The following BCAS3 variants were observed in gnomAD, a reference collection of about 807,000 sequenced individuals.
BCAS3 encodes the protein BCAS4/BCAS3 fusion.
In BCAS3, 53 loss-of-function variants were observed where a neutral mutation model predicts 116.1. That is an observed-to-expected ratio of 0.46 (90% CI 0.37 to 0.57). The LOEUF is 0.57. Among genes scored for constraint, BCAS3 ranks in the 20% least tolerant of loss-of-function variants. The pLI is 0.00. For missense variants in BCAS3, 917 were observed against 1,165.4 expected (o/e 0.79, Z 3.10); for synonymous variants, 391 against 408.2 (o/e 0.96, Z 0.51).
intron 19 of BCAS3, among the ~76,000 whole-genome samples, chr17:61,042,419 T>C (rs1312103975): frequency 6.6e-6 from 1 of 151,948 alleles, no homozygotes; most frequent in African/African-American, 2.4e-5. Context: ...GTTCCAGTGA[T>C]TGACCTTATT....
intron 7 of BCAS3, among the ~76,000 whole-genome samples, chr17:60,856,547 C>T (rs2053687892): frequency 6.6e-6 from 1 of 151,888 alleles, no homozygotes; most frequent in Admixed American, 6.6e-5. Context: ...AAAAATTAGC[C>T]AGGTGTGGTG....
intron 13 of BCAS3, among the ~76,000 whole-genome samples, chr17:60,941,456 T>C (rs1296438577): frequency 6.6e-6 from 1 of 152,198 alleles, no homozygotes; most frequent in Non-Finnish European, 1.5e-5. Flanking sequence ...CCTGGCAGAA[T>C]GTGTGCAAAA....
intron 5 of BCAS3, among the ~76,000 whole-genome samples, chr17:60,710,415 C>T (rs1018447776): frequency 4.6e-5 from 7 of 151,372 alleles, no homozygotes; most frequent in Non-Finnish European, 8.8e-5. Context: ...GCACATTCAC[C>T]TTTCAATTCT....
intron 9 of BCAS3, among the ~76,000 whole-genome samples, chr17:60,875,817 A>C (rs1823223520): frequency 6.6e-6 from 1 of 151,990 alleles, no homozygotes; most frequent in South Asian, 2.1e-4. Flanking sequence ...ATAAACAATA[A>C]CTTTTTATTT....
chr17:61,236,311 C>T (rs756704193), intron 22 of BCAS3, among the ~76,000 whole-genome samples: 1 of 152,064 alleles, frequency 6.6e-6, no homozygotes, highest in Non-Finnish European at 1.5e-5. Context: ...TTTATTTATT[C>T]GTTACTTTAA....
Position 61,077,384 on chromosome 17 carries a change from G to A in BCAS3, c.2131-949G>A, listed in dbSNP as rs1419625744. Among the ~76,000 whole-genome samples, 2 of 152,134 alleles carry A rather than the reference G, an allele frequency of 1.3e-5. No homozygotes were observed. The highest frequency in any genetic ancestry group is 4.8e-5 in the African/African-American group (2 of 41,442). Reference sequence around the variant, plus strand: ...TACAAAAAATTAGCCGGGCGTGGTGGCGGGCGCCTGTAGTCCCAGCTACTG... The same window carrying A: ...TACAAAAAATTAGCCGGGCGTGGTGACGGGCGCCTGTAGTCCCAGCTACTG... On this transcript the variant is annotated intron_variant, in intron 20 of 23. Coordinates refer to ENST00000407086, the MANE Select transcript of BCAS3 (RefSeq NM_017679.5). This position sits in a 1 kb window ranked among gnomAD's most constrained non-coding sequence, Gnocchi z 4.3.
chr17:61,286,332 G>T lies in BCAS3; in HGVS notation c.2426-81995G>T, dbSNP rs2051778421. Among the ~76,000 whole-genome samples the T allele has an allele frequency of 6.6e-6, 1 of 152,140 alleles. No homozygotes were observed. The highest frequency in any genetic ancestry group is 2.4e-5 in the African/African-American group (1 of 41,390). On this transcript the variant is annotated intron_variant, in intron 22 of 23. Transcript: ENST00000407086. The surrounding 1 kb of genome is among the most constrained non-coding windows in gnomAD (Gnocchi z 4.8). ...TTGAAAGTTATCGTGAGCAGATGAAGCAGAGGTTGCTGGGTTTATACTGAT... is the reference window on the plus strand; with the variant it reads ...TTGAAAGTTATCGTGAGCAGATGAATCAGAGGTTGCTGGGTTTATACTGAT...
At chr17:61,329,047 A>G (rs1203610342) in intron 22 of BCAS3, among the ~76,000 whole-genome samples, 3 of 151,238 alleles carry the variant, frequency 2.0e-5, no homozygotes, top group East Asian at 2.0e-4. Context: ...GGTGCCCACC[A>G]CCACGCCCGG....
chr17:60,779,870 T>C (rs921817303), intron 6 of BCAS3, among the ~76,000 whole-genome samples: 11 of 152,230 alleles, frequency 7.2e-5, no homozygotes, highest in African/African-American at 2.4e-4. Flanking sequence ...TTCTTGGTGC[T>C]ATTTGATATA....
chr17:61,349,559 G>A lies in BCAS3; in HGVS notation c.2426-18768G>A, dbSNP rs1338726220. Among the ~76,000 whole-genome samples the A allele has an allele frequency of 6.6e-6, 1 of 152,206 alleles. No homozygotes were observed. The highest frequency in any genetic ancestry group is 1.5e-5 in the Non-Finnish European group (1 of 68,046). On this transcript the variant is annotated intron_variant, in intron 22 of 23. Coordinates refer to ENST00000407086, the MANE Select transcript of BCAS3 (RefSeq NM_017679.5). The surrounding 1 kb of genome is among the most constrained non-coding windows in gnomAD (Gnocchi z 4.7). The stretch of plus-strand genomic sequence containing the variant: ...GAGCCCCTCACTGCCCCCTGGTGTA[G>A]ACAGTCTGATTGCCTACTCCATTTT...
chr17:60,814,308 C>T (rs866753185), intron 7 of BCAS3, among the ~76,000 whole-genome samples: 62 of 124,146 alleles, frequency 5.0e-4, no homozygotes, highest in Admixed American at 1.6e-3. Flanking sequence ...TGTGTGTGTG[C>T]GCGCGTGCCC....
chr17:61,067,492 G>A (rs1365875008), intron 19 of BCAS3, among the ~76,000 whole-genome samples: 1 of 149,686 alleles, frequency 6.7e-6, no homozygotes, highest in Non-Finnish European at 1.5e-5. Context: ...GCTGAGGCAG[G>A]CGGATCATGA....
In BCAS3 at chr17:61,130,665, A is replaced by G. The variant is rs994148246; in HGVS notation, c.2425+46101A>G. The G allele has an allele frequency of 5.3e-5, 8 of 152,216 alleles. No individual in the cohort carries two copies. The highest frequency in any genetic ancestry group is 3.3e-4 in the Admixed American group (5 of 15,278). The allele number at this position is 152,216 out of a possible 1,614,324, so 9.4% of individuals were successfully genotyped here. A position where few individuals can be genotyped will look rare whatever the true frequency, so the allele number is the denominator to read the frequency against. On this transcript the variant is annotated intron_variant, in intron 22 of 23. Transcript: ENST00000407086. This position sits in a 1 kb window ranked among gnomAD's most constrained non-coding sequence, Gnocchi z 5.0. ...AAAAGTCTAGCTATGCTTCTTGTACATCCCCTCTAGGAGCACACCCACTCT... is the reference window on the plus strand; with the variant it reads ...AAAAGTCTAGCTATGCTTCTTGTACGTCCCCTCTAGGAGCACACCCACTCT...
At chr17:61,263,607 G>A (rs1238629186) in intron 22 of BCAS3, among the ~76,000 whole-genome samples, 2 of 152,194 alleles carry the variant, frequency 1.3e-5, no homozygotes, top group African/African-American at 4.8e-5. Context: ...TATTTTTCAA[G>A]GTGATCTTGA....
intron 22 of BCAS3, among the ~76,000 whole-genome samples, chr17:61,160,638 C>G (rs1395714021): frequency 6.6e-6 from 1 of 152,116 alleles, no homozygotes; most frequent in Non-Finnish European, 1.5e-5. Flanking sequence ...AAAAAAATGC[C>G]TAGGGCTGAT....
At position 61,258,349 on chromosome 17, in the gene BCAS3, A is replaced by G. The variant is rs775269214; in HGVS notation, c.2426-109978A>G. Among the ~76,000 whole-genome samples the G allele has an allele frequency of 1.3e-5, 2 of 152,210 alleles. No individual in the cohort carries two copies. The highest frequency in any genetic ancestry group is 2.4e-5 in the African/African-American group (1 of 41,458). ...TACTTCGTGCCTTTAGATATCCACCATAATGTGTAGCGTAGTTCCTAGGAG... is the reference window on the plus strand; with the variant it reads ...TACTTCGTGCCTTTAGATATCCACCGTAATGTGTAGCGTAGTTCCTAGGAG... On this transcript the variant is annotated intron_variant, in intron 22 of 23. Coordinates refer to ENST00000407086, the MANE Select transcript of BCAS3 (RefSeq NM_017679.5). This position sits in a 1 kb window ranked among gnomAD's most constrained non-coding sequence, Gnocchi z 4.7.
rs141614866 is a variant in BCAS3, at chr17:60,713,835, G to C, written c.321+4510G>C. 6.0e-4 allele frequency among the ~76,000 whole-genome samples: 91 copies of C among 152,176 alleles called. 1 individual carries two copies. The highest frequency in any genetic ancestry group is 1.9e-3 in the African/African-American group (78 of 41,550). ...AATTGCATTTGCATTTGCTTTTTTT[G>C]TTTGTTGTTTGTTTTTGAGACTGAG... On this transcript the variant is annotated intron_variant, in intron 5 of 23. Transcript: ENST00000407086.
In BCAS3 at chr17:61,088,101, G is replaced by GA. The variant is rs2073232119; in HGVS notation, c.2425+3539dup. ...GGAGGCTGAGGCACAAGAATTGCTT[G>GA]AACCCGGGAGGCAGAGGTTGCAGTG... On this transcript the variant is annotated intron_variant, in intron 22 of 23. Transcript: ENST00000407086. The surrounding 1 kb of genome is among the most constrained non-coding windows in gnomAD (Gnocchi z 4.2). Among the ~76,000 whole-genome samples the GA allele has an allele frequency of 6.6e-6, 1 of 152,174 alleles. No individual in the cohort carries two copies. Among genetic ancestry groups the GA allele is most frequent in the African/African-American group, 2.4e-5 (1 of 41,438 alleles).
intron 5 of BCAS3, among the ~76,000 whole-genome samples, chr17:60,714,427 G>A (rs576851486): frequency 4.6e-5 from 7 of 152,224 alleles, no homozygotes; most frequent in African/African-American, 1.7e-4. Flanking sequence ...CACTTTGGAG[G>A]CCAAGGCAAG....
Sources: allele counts gnomAD v4.1 joint callset (sites outside exome capture counted in the v4.1 genomes callset), GRCh38; gene constraint gnomAD v4.1.1; non-coding constraint Gnocchi (gnomAD v3.1); transcripts MANE v1.5; gene names NCBI Gene and HGNC (gene_info 2026-07-23, HGNC 2026-07-21).